The following TTC38 variants were observed in gnomAD, a reference collection of about 807,000 sequenced individuals.
TTC38 encodes tetratricopeptide repeat domain 38.
A neutral mutation model predicts 64.2 loss-of-function variants in TTC38; 64 were observed. The observed-to-expected ratio is 1.00, with a 90% confidence interval of 0.81 to 1.23. The LOEUF is 1.23. Ranked by LOEUF, TTC38 falls within the 50% of genes most tolerant of loss-of-function variation. The pLI is 0.00. For synonymous variants in TTC38, 254 were observed against 249.3 expected (o/e 1.02, Z -0.18); for missense variants, 573 against 615.5 (o/e 0.93, Z 0.73).
In TTC38 at chr22:46,271,878, G is replaced by T. The variant is rs1250744930; in HGVS notation, c.112-457G>T. ...CCTAGCCCTAGAAAGTGTGCCTTGG[G>T]TGATGTGTATTTCATTTCTTCGTAT... On this transcript the variant is annotated intron_variant, in intron 2 of 13. Coordinates refer to ENST00000381031, the MANE Select transcript of TTC38 (RefSeq NM_017931.4). This position sits in a 1 kb window ranked among gnomAD's most constrained non-coding sequence, Gnocchi z 5.5. Among the ~76,000 whole-genome samples, 2 of 152,186 alleles carry T rather than the reference G, an allele frequency of 1.3e-5. No individual in the cohort carries two copies. Among genetic ancestry groups the T allele is most frequent in the African/African-American group, 4.8e-5 (2 of 41,430 alleles).
rs1359105934 is a variant in TTC38, at chr22:46,272,818, G to A, written c.193+402G>A. Among the ~76,000 whole-genome samples the A allele has an allele frequency of 1.3e-5, 2 of 152,196 alleles. No homozygotes were observed. The highest frequency in any genetic ancestry group is 3.9e-4 in the East Asian group (2 of 5,194). ...GACCCCTGGAACATGAGAGGTGGCT[G>A]CTGCAGCCTCCGTCAGGGGACCAGT... On this transcript the variant is annotated intron_variant, in intron 3 of 13. Coordinates refer to ENST00000381031, the MANE Select transcript of TTC38 (RefSeq NM_017931.4). The surrounding 1 kb of genome is among the most constrained non-coding windows in gnomAD (Gnocchi z 6.4).
intron 2 of TTC38, 81 bp downstream of exon 2, chr22:46,268,672 G>C: frequency 1.3e-6 from 1 of 761,558 alleles, no homozygotes; most frequent in Non-Finnish European, 1.9e-6. Flanking sequence ...CTGTTTTTTT[G>C]TTTTGTTTTG....
At chr22:46,285,379 A>G in intron 9 of TTC38, 100 bp downstream of exon 9, 3 of 1,159,204 alleles carry the variant, frequency 2.6e-6, no homozygotes, top group Non-Finnish European at 3.9e-6. Context: ...CCCAGCCAGA[A>G]AAACAGCTGG....
At chr22:46,289,621 C>T (rs1309029609) in intron 12 of TTC38, 60 bp downstream of exon 12, 70 of 1,535,416 alleles carry the variant, frequency 4.6e-5, no homozygotes, top group Admixed American at 4.2e-4. Context: ...CTGGGCGCCC[C>T]GCAGCCCCCA....
chr22:46,274,151 T>C lies in TTC38; in HGVS notation c.365+82T>C. The stretch of plus-strand genomic sequence containing the variant: ...CAGGGTATCCCTTTCCTGATGCCCT[T>C]GGGACGGGGGCGGGGTGGGAGAATG... On this transcript the variant is annotated intron_variant, in intron 4 of 13. Coordinates refer to ENST00000381031, the MANE Select transcript of TTC38 (RefSeq NM_017931.4). This position sits in a 1 kb window ranked among gnomAD's most constrained non-coding sequence, Gnocchi z 4.8. The C allele has an allele frequency of 4.3e-6, 2 of 465,190 alleles. No individual in the cohort carries two copies. Among genetic ancestry groups the C allele is most frequent in the Non-Finnish European group, 3.3e-6 (1 of 299,600 alleles). The allele number at this position is 465,190 out of a possible 1,614,324, so 28.8% of individuals were successfully genotyped here.
Position 46,292,716 on chromosome 22 carries a change from T to C in TTC38, c.1317-75T>C. The C allele has an allele frequency of 7.3e-7, 1 of 1,360,862 alleles. No homozygotes were observed. Among genetic ancestry groups the C allele is most frequent in the South Asian group, 1.2e-5 (1 of 85,080 alleles). 84.3% of individuals were successfully genotyped at this position (1,360,862 alleles called of 1,614,324 possible). ...AGTCTAGCCTGCCTGTGTTCTGCCT[T>C]GGGACCAAGGGACCACCAGGCCCCA... On this transcript the variant is annotated intron_variant, in intron 13 of 13. Coordinates refer to ENST00000381031, the MANE Select transcript of TTC38 (RefSeq NM_017931.4). This position sits in a 1 kb window ranked among gnomAD's most constrained non-coding sequence, Gnocchi z 6.5.
chr22:46,269,290 G>GT (rs969109275), intron 2 of TTC38: 6 of 263,056 alleles, frequency 2.3e-5, no homozygotes, highest in African/African-American at 1.4e-4. Flanking sequence ...GGATGAATCT[G>GT]TGAGTATACT....
chr22:46,281,807 G>A lies in TTC38; in HGVS notation c.735+89G>A. On this transcript the variant is annotated intron_variant, in intron 7 of 13. Transcript: ENST00000381031. The surrounding 1 kb of genome is among the most constrained non-coding windows in gnomAD (Gnocchi z 5.2). ...AGGCTTTATGGACAAGAGTTACAGGGCATGGCTTAATTCTCGGGGTTCCCT... is the reference window on the plus strand; with the variant it reads ...AGGCTTTATGGACAAGAGTTACAGGACATGGCTTAATTCTCGGGGTTCCCT... The A allele has an allele frequency of 6.4e-7, 1 of 1,563,664 alleles. No individual in the cohort carries two copies. The highest frequency in any genetic ancestry group is 8.8e-7 in the Non-Finnish European group (1 of 1,141,604).
intron 13 of TTC38, among the ~76,000 whole-genome samples, chr22:46,290,974 G>A (rs1416562999): frequency 6.6e-6 from 1 of 152,198 alleles, no homozygotes; most frequent in Non-Finnish European, 1.5e-5. Flanking sequence ...AGAGCAGGTG[G>A]CAGCCCGGGT....
In TTC38 at chr22:46,268,620, C is replaced by G. The variant is rs376891239; in HGVS notation, c.111+29C>G. 84 of 1,609,222 alleles carry G rather than the reference C, an allele frequency of 5.2e-5. No individual in the cohort carries two copies. In the African/African-American group the frequency reaches 9.3e-4, roughly 18 times the overall value. ...TGCCTGCCGAGAGAGGCCGCGGCCC[C>G]TTCTGTGGAGGTCTAGGGGAAGGTT... is the stretch of plus-strand genomic sequence containing the variant. On this transcript the variant is annotated intron_variant, in intron 2 of 13. Coordinates refer to ENST00000381031, the MANE Select transcript of TTC38 (RefSeq NM_017931.4).
rs932484952 is a variant in TTC38, at chr22:46,293,315, T to C, written c.*431T>C. ...CCCTTGGGATGGACCTTTTCATTCT[T>C]TTCTTTATATTCTAGACAGTCTCTG... On this transcript the variant is annotated 3_prime_UTR_variant, in exon 14 of 14. Coordinates refer to ENST00000381031, the MANE Select transcript of TTC38 (RefSeq NM_017931.4). The surrounding 1 kb of genome is among the most constrained non-coding windows in gnomAD (Gnocchi z 6.6). 7 of 185,278 alleles carry C rather than the reference T, an allele frequency of 3.8e-5. No individual in the cohort carries two copies. The highest frequency in any genetic ancestry group is 1.2e-4 in the African/African-American group (5 of 43,474). 11.5% of individuals were successfully genotyped at this position (185,278 alleles called of 1,614,324 possible).
chr22:46,292,749 C>G lies in TTC38; in HGVS notation c.1317-42C>G. 6.4e-7 allele frequency: 1 copy of G among 1,572,178 alleles called. No individual in the cohort carries two copies. Among genetic ancestry groups the G allele is most frequent in the Non-Finnish European group, 8.8e-7 (1 of 1,142,764 alleles). On this transcript the variant is annotated intron_variant, in intron 13 of 13. Transcript: ENST00000381031. The surrounding 1 kb of genome is among the most constrained non-coding windows in gnomAD (Gnocchi z 6.5). ...AGGGACCACCAGGCCCCACATCCCT[C>G]TAGAAGGTTCTGTAACAGGACCTCT...
Position 46,270,966 on chromosome 22 carries a change from C to T in TTC38, c.112-1369C>T, listed in dbSNP as rs865933563. 1.9e-4 allele frequency among the ~76,000 whole-genome samples: 28 copies of T among 146,208 alleles called. No individual in the cohort carries two copies. Among genetic ancestry groups the T allele is most frequent in the African/African-American group, 6.3e-4 (25 of 39,454 alleles). On this transcript the variant is annotated intron_variant, in intron 2 of 13. Coordinates refer to ENST00000381031, the MANE Select transcript of TTC38 (RefSeq NM_017931.4). The surrounding 1 kb of genome is among the most constrained non-coding windows in gnomAD (Gnocchi z 4.7). ...GGCAGAGGTTGCAGTGAGCCAAGAT[C>T]GTGCCATTGCACTCCAGCCTGGGTG...
chr22:46,268,145 T>C, intron 1 of TTC38, 73 bp downstream of exon 1: 1 of 1,478,370 alleles, frequency 6.8e-7, no homozygotes. Flanking sequence ...GCTGGCGGAA[T>C]AACGGGAGAC....
chr22:46,277,864 G>T (rs1429986374), intron 5 of TTC38, among the ~76,000 whole-genome samples: 5 of 152,158 alleles, frequency 3.3e-5, no homozygotes, highest in Non-Finnish European at 7.4e-5. Flanking sequence ...TCCCAGGGAG[G>T]TGCCCCTGGG....
intron 6 of TTC38, 91 bp downstream of exon 6, chr22:46,278,752 C>G: frequency 9.9e-7 from 1 of 1,005,614 alleles, no homozygotes; most frequent in Non-Finnish European, 1.6e-6. Context: ...GTGTGTGACC[C>G]CGGCGAACCC....
At chr22:46,288,143 C>T (rs1302011110) in intron 10 of TTC38, among the ~76,000 whole-genome samples, 1 of 152,164 alleles carries the variant, frequency 6.6e-6, no homozygotes, top group Non-Finnish European at 1.5e-5. Context: ...TCCAAGAGGC[C>T]TAGGGTTTGT....
At position 46,291,583 on chromosome 22, in the gene TTC38, C is replaced by T. The variant is rs568416966; in HGVS notation, c.1317-1208C>T. On this transcript the variant is annotated intron_variant, in intron 13 of 13. Transcript: ENST00000381031. This position sits in a 1 kb window ranked among gnomAD's most constrained non-coding sequence, Gnocchi z 4.6. ...TGAGTTCCCGGCCCCAGCCCCTTCA[C>T]ACCACCCACGCCCTCTAGAACCACT... is the stretch of plus-strand genomic sequence containing the variant. Among the ~76,000 whole-genome samples, 299 of 152,322 alleles carry T rather than the reference C, an allele frequency of 2.0e-3. No individual in the cohort carries two copies. The highest frequency in any genetic ancestry group is 2.1e-3 in the Non-Finnish European group (140 of 68,030).
chr22:46,277,141 A>G (rs2077498069), intron 5 of TTC38, among the ~76,000 whole-genome samples: 1 of 152,022 alleles, frequency 6.6e-6, no homozygotes, highest in Non-Finnish European at 1.5e-5. Flanking sequence ...TTCAATGAAT[A>G]ACAAAAGCTA....
Sources: gnomAD v4.1 joint callset for allele counts (sites outside exome capture counted in the v4.1 genomes callset) on GRCh38, gnomAD v4.1.1 for gene constraint, Gnocchi (gnomAD v3.1) non-coding constraint, MANE v1.5 for transcripts, NCBI Gene and HGNC (gene_info 2026-07-23, HGNC 2026-07-21) for gene names.